The following MS4A5 variants were observed in gnomAD, a reference collection of about 807,000 sequenced individuals.
MS4A5 encodes membrane spanning 4-domains A5.
MS4A5 carries 15 observed loss-of-function variants against 18.2 expected under a neutral mutation model. The observed-to-expected ratio is 0.83, with a 90% CI of 0.55 to 1.27. MS4A5 has a LOEUF of 1.27. Ranked by LOEUF, MS4A5 falls within the 50% of genes most tolerant of loss-of-function variation. The probability of loss-of-function intolerance (pLI) is 0.00; values close to 1 mark genes in which losing one functional copy is unlikely to be tolerated. For missense variants in MS4A5, 232 were observed against 225.7 expected, an observed-to-expected ratio of 1.03 and a Z score of -0.18; for synonymous variants, 89 against 78.7, an observed-to-expected ratio of 1.13 and a Z score of -0.69.
chr11:60,434,675 A>G (rs1212323601), intron 4 of MS4A5, among the ~76,000 whole-genome samples: 2 of 152,212 alleles, frequency 1.3e-5, no homozygotes, highest in Non-Finnish European at 2.9e-5. Flanking sequence ...TAAAGACATT[A>G]AAAAGCTGAA....
intron 4 of MS4A5, among the ~76,000 whole-genome samples, chr11:60,438,603 T>C (rs952229418): frequency 3.3e-5 from 5 of 151,920 alleles, no homozygotes; most frequent in Non-Finnish European, 7.4e-5. Flanking sequence ...TCACCACCGA[T>C]CCCACAGAAA....
chr11:60,435,153 G>T (rs563478177), intron 4 of MS4A5, among the ~76,000 whole-genome samples: 47 of 152,282 alleles, frequency 3.1e-4, no homozygotes, highest in African/African-American at 1.1e-3. Flanking sequence ...TTGGTATGTG[G>T]TGCCCCTGGT....
chr11:60,441,717 A>G lies in MS4A5; in HGVS notation c.493-5932A>G, dbSNP rs57687201. Among the ~76,000 whole-genome samples, 1,307 of 151,744 alleles carry G rather than the reference A, an allele frequency of 8.6e-3. 15 individuals carry two copies. Among genetic ancestry groups the G allele is most frequent in the African/African-American group, 0.028 (1,144 of 41,518 alleles). ...ACTAGAAGATTTTCTGTGTAAAACT[A>G]TTATGTACCCATAAAAATAGAAAAT... On this transcript the variant is annotated intron_variant, in intron 4 of 4. Transcript: ENST00000300190.
chr11:60,447,189 CCTATGCTATGCTATCCTATG>C (rs1414832018), intron 4 of MS4A5, among the ~76,000 whole-genome samples: 8 of 146,622 alleles, frequency 5.5e-5, no homozygotes, highest in East Asian at 2.0e-4. Flanking sequence ...GCTATGCTAT[CCTATGCTATGCTATCCTATG>C]CTATGCTATG....
At chr11:60,443,745 G>A (rs1033746674) in intron 4 of MS4A5, among the ~76,000 whole-genome samples, 15 of 151,726 alleles carry the variant, frequency 9.9e-5, no homozygotes, top group African/African-American at 3.6e-4. Flanking sequence ...TATTTAAAAA[G>A]AAAAAAGAGA....
rs2086065404 is a variant in MS4A5 at position 60,433,972 on chromosome 11, A to G, written c.492+55A>G. The G allele has an allele frequency of 2.5e-5, 37 of 1,470,936 alleles. 1 individual carries two copies. In the South Asian group the frequency reaches 3.9e-4, roughly 16 times the overall value. The allele number at this position is 1,470,936 out of a possible 1,614,324, so 91.1% of individuals were successfully genotyped here. A position where few individuals can be genotyped will look rare whatever the true frequency, so the allele number is the denominator to read the frequency against. The stretch of plus-strand genomic sequence containing the variant: ...GTAAAGGGCTTAATAGAAAATATTT[A>G]TTAGCACTCAATCAGCACCATTCAG... On this transcript the variant is annotated intron_variant, in intron 4 of 4. Transcript: ENST00000300190.
intron 4 of MS4A5, among the ~76,000 whole-genome samples, chr11:60,447,062 C>T (rs1390954857): frequency 6.6e-6 from 1 of 152,016 alleles, no homozygotes; most frequent in Admixed American, 6.5e-5. Context: ...CCATGCTATG[C>T]TATGCTATGC....
At chr11:60,447,356 TATGCTATGCTATGCA>T (rs1479371213) in intron 4 of MS4A5, among the ~76,000 whole-genome samples, 58 of 148,522 alleles carry the variant, frequency 3.9e-4, no homozygotes, top group African/African-American at 1.2e-3. Flanking sequence ...TATGCTATGC[TATGCTATGCTATGCA>T]ATGCAGTGCT....
At chr11:60,444,783 A>C (rs987851864) in intron 4 of MS4A5, among the ~76,000 whole-genome samples, 2 of 152,234 alleles carry the variant, frequency 1.3e-5, no homozygotes, top group African/African-American at 4.8e-5. Context: ...AGGAATGTGA[A>C]GCAACTGGAA....
chr11:60,442,490 G>C (rs186962013), intron 4 of MS4A5, among the ~76,000 whole-genome samples: 217 of 152,222 alleles, frequency 1.4e-3, no homozygotes, highest in South Asian at 2.9e-3. Context: ...AGGCCTGTTG[G>C]GGGGTAGTGG....
In MS4A5 at chr11:60,433,827, C is replaced by T; in HGVS notation, c.402C>T (p.Leu134=). The T allele has an allele frequency of 6.2e-7, 1 of 1,613,854 alleles. No individual in the cohort carries two copies. Among genetic ancestry groups the T allele is most frequent in the Non-Finnish European group, 8.5e-7 (1 of 1,179,784 alleles). The change falls in exon 4 of 5, where the codon CTC becomes CTT. Residue 134 remains leucine (L), a synonymous_variant. Transcript: ENST00000300190. ...TGGGAGCAATAGCTGGAATCATTCTCCTCACATTTGGTTTCATCCTAGATC... is the reference window on the plus strand; with the variant it reads ...TGGGAGCAATAGCTGGAATCATTCTTCTCACATTTGGTTTCATCCTAGATC... ...SALGAIAGII[L]LTFGFILDQN...
rs1322815335 is a variant in MS4A5, at chr11:60,433,892, GT to G, written c.468del (p.Cys156Ter). 2 of 1,613,944 alleles carry G rather than the reference GT, an allele frequency of 1.2e-6. No homozygotes were observed. The highest frequency in any genetic ancestry group is 4.5e-5 in the East Asian group (2 of 44,884). On this transcript the variant is annotated frameshift_variant, in exon 4 of 5. Transcript: ENST00000300190. LOFTEE classifies it low-confidence loss of function (END_TRUNC). ...GGTTATTCTCACCAAAATAGTCAGTGTAAGGCTGTTACTGTCCTGTTCTTGG... is the reference window on the plus strand; with the variant it reads ...GGTTATTCTCACCAAAATAGTCAGTGAAGGCTGTTACTGTCCTGTTCTTGG... Reference protein sequence around the residue: ...ICGYSHQNSQCKAVTVLFLGI... With the variant: ...ICGYSHQNSQXKAVTVLFLGI...
At chr11:60,435,911 C>G (rs1043820656) in intron 4 of MS4A5, among the ~76,000 whole-genome samples, 59 of 152,346 alleles carry the variant, frequency 3.9e-4, no homozygotes, top group Middle Eastern at 3.4e-3. Context: ...TGGGAAGCTC[C>G]AACTGGGTGG....
chr11:60,442,408 T>C (rs3973194), intron 4 of MS4A5, among the ~76,000 whole-genome samples: 40,838 of 151,960 alleles, frequency 0.27, 5,931 homozygotes, highest in Admixed American at 0.39. Context: ...CCAAACACCT[T>C]ATGTTCTCAC....
chr11:60,434,748 G>A (rs1824684200), intron 4 of MS4A5, among the ~76,000 whole-genome samples: 1 of 152,102 alleles, frequency 6.6e-6, no homozygotes, highest in African/African-American at 2.4e-5. Flanking sequence ...ATTTACAAGT[G>A]GAACTCTGAA....
intron 4 of MS4A5, among the ~76,000 whole-genome samples, chr11:60,436,568 A>C (rs11230313): frequency 0.31 from 39,980 of 128,350 alleles, 9,245 homozygotes; most frequent in Non-Finnish European, 0.37. Context: ...AATACAGAGA[A>C]GTGCTTAAAG....
intron 4 of MS4A5, chr11:60,435,333 A>AC (rs946417248): frequency 1.8e-5 from 8 of 442,892 alleles, no homozygotes; most frequent in Non-Finnish European, 3.6e-5. Context: ...AGCAAAAAAA[A>AC]AATCACCTGT....
intron 4 of MS4A5, among the ~76,000 whole-genome samples, chr11:60,438,242 C>T (rs182283378): frequency 0.032 from 4,842 of 152,242 alleles, 261 homozygotes; most frequent in African/African-American, 0.1. Context: ...AAAGACACAA[C>T]ATATCAGAAT....
intron 4 of MS4A5, among the ~76,000 whole-genome samples, chr11:60,438,406 C>G (rs200694897): frequency 6.6e-6 from 1 of 151,180 alleles, no homozygotes; most frequent in African/African-American, 2.4e-5. Flanking sequence ...TAGCAGAAGC[C>G]AAGAAATAAC....
Sources: gnomAD v4.1 joint callset for allele counts (sites outside exome capture counted in the v4.1 genomes callset) on GRCh38, gnomAD v4.1.1 for gene constraint, MANE v1.5 for transcripts, NCBI Gene and HGNC (gene_info 2026-07-23, HGNC 2026-07-21) for gene names.